SLC2A9: variants seen among roughly 807,000 people sequenced by gnomAD.
SLC2A9 encodes the protein solute carrier family 2, facilitated glucose transporter member 9.
Under a neutral mutation model 50.6 loss-of-function variants are expected in SLC2A9, and 39 were observed. That is an observed-to-expected ratio of 0.77 (90% confidence interval 0.60 to 1.01). The LOEUF is 1.01. Ranked by LOEUF, SLC2A9 falls within the 50% of genes least tolerant of loss-of-function variation. The pLI is 0.00. For missense variants in SLC2A9, 686 were observed against 677.6 expected (o/e 1.01, Z -0.14); for synonymous variants, 324 against 276.9 (o/e 1.17, Z -1.69).
intron 6 of SLC2A9, among the ~76,000 whole-genome samples, chr4:9,932,185 C>T (rs1298771010): frequency 6.6e-6 from 1 of 151,344 alleles, no homozygotes. Flanking sequence ...CTTCATGTTC[C>T]CACAGCAAGT....
At chr4:9,984,547 T>C (rs1055604516) in intron 4 of SLC2A9, among the ~76,000 whole-genome samples, 1 of 152,226 alleles carries the variant, frequency 6.6e-6, no homozygotes, top group Non-Finnish European at 1.5e-5. Flanking sequence ...AGCCATTAAG[T>C]AACTTGCAGC....
intron 10 of SLC2A9, among the ~76,000 whole-genome samples, chr4:9,875,478 G>A (rs914857794): frequency 1.3e-5 from 2 of 152,326 alleles, no homozygotes; most frequent in African/African-American, 2.4e-5. Context: ...GCTCTGACTC[G>A]ATATTTAGAA....
At chr4:9,918,441 A>C (rs560435804) in intron 7 of SLC2A9, among the ~76,000 whole-genome samples, 1 of 152,266 alleles carries the variant, frequency 6.6e-6, no homozygotes, top group Admixed American at 6.5e-5. Flanking sequence ...ACTTGTCCCC[A>C]TGGCTGCCTA....
At chr4:9,965,723 T>G (rs1752952036) in intron 5 of SLC2A9, among the ~76,000 whole-genome samples, 1 of 152,248 alleles carries the variant, frequency 6.6e-6, no homozygotes, top group Admixed American at 6.5e-5. Context: ...TGGTATCTGT[T>G]TTTACATTTG....
intron 2 of SLC2A9, among the ~76,000 whole-genome samples, chr4:9,998,383 C>T (rs1759124434): frequency 6.6e-6 from 1 of 152,160 alleles, no homozygotes; most frequent in South Asian, 2.1e-4. Flanking sequence ...TTCTTATCTG[C>T]AAAATGGGAA....
intron 5 of SLC2A9, 98 bp downstream of exon 5, chr4:9,980,494 T>C (rs1422610971): frequency 7.7e-6 from 12 of 1,554,920 alleles, no homozygotes; most frequent in South Asian, 1.1e-5. Flanking sequence ...ATACCAGAAA[T>C]TGCAAAATAC....
chr4:9,777,355 T>C (rs1303036641), downstream of SLC2A9, among the ~76,000 whole-genome samples: 2 of 151,476 alleles, frequency 1.3e-5, no homozygotes, highest in Non-Finnish European at 2.9e-5. Context: ...AGTGCAGTGG[T>C]GTGATCTTGA....
At chr4:9,953,500 C>T (rs1407489798) in intron 5 of SLC2A9, among the ~76,000 whole-genome samples, 2 of 152,238 alleles carry the variant, frequency 1.3e-5, no homozygotes, top group Admixed American at 1.3e-4. Context: ...AATTTAACCT[C>T]TATGAGCCTC....
intron 10 of SLC2A9, among the ~76,000 whole-genome samples, chr4:9,851,686 T>C (rs1402189449): frequency 1.3e-5 from 2 of 151,686 alleles, no homozygotes; most frequent in East Asian, 3.9e-4. Flanking sequence ...AATAAAACAA[T>C]ACAGGAGGTG....
At chr4:9,845,230 G>A (rs997245323) in intron 10 of SLC2A9, among the ~76,000 whole-genome samples, 6 of 151,872 alleles carry the variant, frequency 4.0e-5, no homozygotes, top group Non-Finnish European at 5.9e-5. Context: ...AGCCAGGATG[G>A]TCTTGATCTC....
rs562797717 is a variant in SLC2A9 at position 9,955,414 on chromosome 4, G to A, written c.682-13369C>T. Reference sequence around the variant, plus strand: ...GGAGGCTGAGGCAGGAGAATGGCGTGAACCCGGGAGGCGGAGCTTGCAGTG... The same window carrying A: ...GGAGGCTGAGGCAGGAGAATGGCGTAAACCCGGGAGGCGGAGCTTGCAGTG... On this transcript the variant is annotated intron_variant, in intron 5 of 11. Coordinates refer to ENST00000264784, the MANE Select transcript of SLC2A9 (RefSeq NM_020041.3). Among the ~76,000 whole-genome samples, 3 of 52,404 alleles carry A rather than the reference G, an allele frequency of 5.7e-5. No homozygotes were observed. In the South Asian group the frequency reaches 1.2e-3, roughly 21 times the overall value. The allele number at this position is 52,404 out of a possible 152,430, so 34.4% of individuals were successfully genotyped here.
intron 5 of SLC2A9, among the ~76,000 whole-genome samples, chr4:9,975,901 G>A (rs1326540635): frequency 6.6e-6 from 1 of 152,248 alleles, no homozygotes; most frequent in African/African-American, 2.4e-5. Flanking sequence ...ATACACCGTA[G>A]AATACTATGC....
Position 9,870,957 on chromosome 4 carries a change from C to T in SLC2A9, c.1291+16610G>A, listed in dbSNP as rs56149009. Among the ~76,000 whole-genome samples the T allele has an allele frequency of 9.1e-3, 1,391 of 152,262 alleles. 9 individuals are homozygous for T. Among genetic ancestry groups the T allele is most frequent in the Middle Eastern group, 0.02 (6 of 294 alleles). ...GGGTGTGTGGGGTCTTGCTGTGTCA[C>T]CCCAGTTGCAGTACATTGGTGTAAT... On this transcript the variant is annotated intron_variant, in intron 10 of 11. Coordinates refer to ENST00000264784, the MANE Select transcript of SLC2A9 (RefSeq NM_020041.3).
chr4:9,933,621 C>G (rs936136029), intron 6 of SLC2A9, among the ~76,000 whole-genome samples: 12 of 152,134 alleles, frequency 7.9e-5, no homozygotes, highest in African/African-American at 2.9e-4. Context: ...GGGGTGAGGA[C>G]TAAGGTAATG....
chr4:9,869,276 A>G (rs75952465), intron 10 of SLC2A9, among the ~76,000 whole-genome samples: 1,531 of 152,304 alleles, frequency 0.01, 32 homozygotes, highest in African/African-American at 0.035. Flanking sequence ...TCTAGAATCA[A>G]TTCTCACATG....
At chr4:9,841,538 T>C (rs1033729278) in intron 10 of SLC2A9, among the ~76,000 whole-genome samples, 2 of 152,196 alleles carry the variant, frequency 1.3e-5, no homozygotes, top group Admixed American at 1.3e-4. Flanking sequence ...TTTCTTTTTA[T>C]CTTCTAGTTT....
At chr4:9,814,960 G>C (rs1011504500) in intron 3 of SLC2A9, among the ~76,000 whole-genome samples, 2 of 152,002 alleles carry the variant, frequency 1.3e-5, no homozygotes, top group African/African-American at 4.8e-5. Flanking sequence ...TGCAGGTAGG[G>C]AAACAGATCA....
chr4:9,811,722 T>A (rs796278849), intron 3 of SLC2A9, among the ~76,000 whole-genome samples: 5 of 152,318 alleles, frequency 3.3e-5, no homozygotes, highest in African/African-American at 1.2e-4. Flanking sequence ...AGGTTGTTTT[T>A]TCAAGCCACT....
chr4:9,885,198 C>T (rs1360937863), intron 10 of SLC2A9, among the ~76,000 whole-genome samples: 1 of 152,128 alleles, frequency 6.6e-6, no homozygotes, highest in African/African-American at 2.4e-5. Flanking sequence ...ACATGTATCC[C>T]ATGAAAAAAA....
Sources: allele counts gnomAD v4.1 joint callset (sites outside exome capture counted in the v4.1 genomes callset), GRCh38; gene constraint gnomAD v4.1.1; transcripts MANE v1.5; gene names NCBI Gene and HGNC (gene_info 2026-07-23, HGNC 2026-07-21).